The following PDXDC1 variants were observed in gnomAD, a reference collection of about 807,000 sequenced individuals.
PDXDC1 encodes pyridoxal dependent decarboxylase domain containing 1.
A neutral mutation model predicts 100.1 loss-of-function variants in PDXDC1; 42 were observed. The ratio of observed to expected loss-of-function variants is 0.42; its 90% CI spans 0.33 to 0.54. The LOEUF is 0.54. Among genes scored for constraint, PDXDC1 ranks in the 20% least tolerant of loss-of-function variants. PDXDC1 has a pLI of 0.10. For synonymous variants in PDXDC1, 260 were observed against 371.7 expected, an observed-to-expected ratio of 0.70 and a Z score of 3.46; for missense variants, 636 against 979.2, an observed-to-expected ratio of 0.65 and a Z score of 4.68.
intron 14 of PDXDC1, 134 bp downstream of exon 14, chr16:15,026,840 A>G (rs2042639997): frequency 9.5e-7 from 1 of 1,052,992 alleles, no homozygotes; most frequent in Admixed American, 2.3e-5. Flanking sequence ...AAAATGTAAT[A>G]ATTTTCATGA....
intron 16 of PDXDC1, among the ~76,000 whole-genome samples, chr16:15,046,960 C>A (rs374257380): frequency 6.6e-6 from 1 of 152,256 alleles, no homozygotes; most frequent in South Asian, 2.1e-4. Context: ...TTCTCCACAG[C>A]CCCGCCTCAC....
intron 1 of PDXDC1, among the ~76,000 whole-genome samples, chr16:14,982,898 A>G (rs906032417): frequency 2.0e-5 from 3 of 152,268 alleles, no homozygotes; most frequent in Non-Finnish European, 4.4e-5. Context: ...GATGATCACT[A>G]TTCAGGATTT....
At chr16:15,148,366 T>C in the PDXDC1 span, among the ~76,000 whole-genome samples, 2 of 139,604 alleles carry the variant, frequency 1.4e-5, no homozygotes, top group African/African-American at 5.3e-5. Flanking sequence ...GTTCAGATCC[T>C]GTGATTTTTT....
At chr16:15,057,561 G>A (rs2044571624) in intron 16 of PDXDC1, among the ~76,000 whole-genome samples, 1 of 152,200 alleles carries the variant, frequency 6.6e-6, no homozygotes, top group Admixed American at 6.5e-5. Flanking sequence ...TTCTAATGCA[G>A]GTGACATTAA....
rs2043154358 is a variant in PDXDC1, at chr16:15,032,923, A to G, written c.1634A>G (p.His545Arg). The change falls in exon 18 of 23, where the codon CAT becomes CGT. Residue 545 changes from histidine (H) to arginine (R), a missense_variant. Physicochemically the swap from His to Arg is conservative, Grantham distance 29. Around this residue, in one of 4 missense-constraint regions of PDXDC1, gnomAD observed 452 missense variants for 402.9 expected, o/e 1.12. Transcript: ENST00000396410. ...TCAGATCCCGAAGGGGAAAACATCC[A>G]TGCTGGACTCCTGAAGAAGTTAAAT... is the stretch of plus-strand genomic sequence containing the variant. ...LKSDPEGENI[H>R]AGLLKKLNEL... 2 of 1,612,734 alleles carry G rather than the reference A, an allele frequency of 1.2e-6. No homozygotes were observed. The highest frequency in any genetic ancestry group is 1.7e-6 in the Non-Finnish European group (2 of 1,178,660).
intron 16 of PDXDC1, among the ~76,000 whole-genome samples, chr16:15,089,625 C>G (rs76120828): frequency 6.6e-6 from 1 of 150,516 alleles, no homozygotes; most frequent in African/African-American, 2.4e-5. Context: ...ATGGTGAAAC[C>G]CCACCTCTAC....
intron 16 of PDXDC1, among the ~76,000 whole-genome samples, chr16:15,081,563 T>A (rs1205559753): frequency 1.3e-5 from 2 of 152,210 alleles, no homozygotes; most frequent in African/African-American, 4.8e-5. Context: ...ATAAGAGTTC[T>A]TTACATATAC....
chr16:15,079,889 G>A lies in PDXDC1; in HGVS notation c.1399+49833G>A, dbSNP rs2941253. The stretch of plus-strand genomic sequence containing the variant: ...TGGGAATACAGGCGTGAGTCACCAC[G>A]CCTGGCCAAGTGGATTCTTTTCTAT... On this transcript the variant is annotated intron_variant, in intron 16 of 16. Transcript: ENST00000535621. 859,517 of 1,280,370 alleles carry A rather than the reference G, an allele frequency of 0.67. 295,217 individuals are homozygous for A. Among genetic ancestry groups the A allele is most frequent in the Admixed American group, 0.71 (25,888 of 36,366 alleles). The allele number at this position is 1,280,370 out of a possible 1,614,324, so 79.3% of individuals were successfully genotyped here. A position where few individuals can be genotyped will look rare whatever the true frequency, so the allele number is the denominator to read the frequency against.
chr16:15,140,713 C>T (rs1476946097), downstream of PDXDC1, among the ~76,000 whole-genome samples: 1 of 151,914 alleles, frequency 6.6e-6, no homozygotes. Flanking sequence ...AGCCAGAGAG[C>T]TGGGGCAAAC....
rs1382453679 is a variant in PDXDC1 at position 15,047,124 on chromosome 16, G to A, written c.1399+17068G>A. 3 of 375,944 alleles carry A rather than the reference G, an allele frequency of 8.0e-6. No individual in the cohort carries two copies. In the East Asian group the frequency reaches 1.6e-4, roughly 20 times the overall value. The allele number at this position is 375,944 out of a possible 1,614,324, so 23.3% of individuals were successfully genotyped here. Reference sequence around the variant, plus strand: ...ACAAGCAACTGCGGGAGGAATGACTGCATGGAGAGCTACCACACCCGGGGG... The same window carrying A: ...ACAAGCAACTGCGGGAGGAATGACTACATGGAGAGCTACCACACCCGGGGG... On this transcript the variant is annotated intron_variant, in intron 16 of 16. Coordinates refer to the PDXDC1 transcript ENST00000535621.
chr16:15,039,910 C>A, downstream of PDXDC1: 1 of 953,786 alleles, frequency 1.0e-6, no homozygotes, highest in East Asian at 2.4e-5. Context: ...AAACTTAAGG[C>A]CTTGACATTT....
intron 16 of PDXDC1, among the ~76,000 whole-genome samples, chr16:15,064,676 G>T (rs1480691715): frequency 2.6e-5 from 4 of 152,190 alleles, no homozygotes; most frequent in Non-Finnish European, 5.9e-5. Context: ...TGTCAGTCTG[G>T]CTCCTAGTGA....
At chr16:15,020,957 C>CCTGGGTGG in intron 12 of PDXDC1, among the ~76,000 whole-genome samples, 1 of 151,710 alleles carries the variant, frequency 6.6e-6, no homozygotes, top group Non-Finnish European at 1.5e-5. Flanking sequence ...TGCACTCCAG[C>CCTGGGTGG]CTGGGTGGCA....
Position 15,036,278 on chromosome 16 carries a change from C to T in PDXDC1, c.*3C>T, listed in dbSNP as rs1567739039. ...AAGGACCGGAGAGCTTAAGATGAGA[C>T]TCATTGTGTGGTTTGAGACTGTACT... is the stretch of plus-strand genomic sequence containing the variant. On this transcript the variant is annotated 3_prime_UTR_variant, in exon 23 of 23. Transcript: ENST00000396410. 1.2e-6 allele frequency: 2 copies of T among 1,612,376 alleles called. No homozygotes were observed. The highest frequency in any genetic ancestry group is 1.7e-4 in the Middle Eastern group (1 of 6,050).
intron 6 of PDXDC1, 94 bp downstream of exon 6, chr16:15,006,677 G>C: frequency 1.6e-6 from 2 of 1,259,962 alleles, no homozygotes; most frequent in Non-Finnish European, 2.1e-6. Flanking sequence ...TGCTGTTCTT[G>C]CTGAGTGAAA....
Position 15,038,074 on chromosome 16 carries a change from T to G in PDXDC1, c.*1799T>G. ...GATCTTTTCCCACAAGCCATCTTCA[T>G]TTTTTTTGTAGAGTAGGGCTTTATT... On this transcript the variant is annotated 3_prime_UTR_variant, in exon 23 of 23. Transcript: ENST00000396410. The G allele has an allele frequency of 6.2e-7, 1 of 1,600,022 alleles. No homozygotes were observed. The highest frequency in any genetic ancestry group is 1.3e-5 in the African/African-American group (1 of 74,604).
At chr16:15,075,470 C>T (rs140433024) in intron 16 of PDXDC1, among the ~76,000 whole-genome samples, 9 of 151,478 alleles carry the variant, frequency 5.9e-5, no homozygotes, top group Non-Finnish European at 8.8e-5. Flanking sequence ...CTCGGGGAGG[C>T]TGAGGTGGGC....
intron 16 of PDXDC1, chr16:15,061,759 T>C: frequency 1.2e-6 from 2 of 1,612,900 alleles, no homozygotes; most frequent in South Asian, 1.1e-5. Flanking sequence ...GGGGACTGGG[T>C]TGCATGTACA....
At chr16:14,981,487 C>T (rs1597256647) in intron 1 of PDXDC1, among the ~76,000 whole-genome samples, 5 of 152,406 alleles carry the variant, frequency 3.3e-5, no homozygotes, top group African/African-American at 1.2e-4. Flanking sequence ...TTCTGTTTAG[C>T]AGTTTTCTTT....
Sources: allele counts gnomAD v4.1 joint callset (sites outside exome capture counted in the v4.1 genomes callset), GRCh38; gene constraint gnomAD v4.1.1; regional missense constraint gnomAD v4.1.1; transcripts MANE v1.5; gene names NCBI Gene and HGNC (gene_info 2026-07-23, HGNC 2026-07-21).